The following GNAS-AS1 variants were observed in gnomAD, a reference collection of about 807,000 sequenced individuals.
GNAS-AS1 encodes GNAS antisense RNA 1.
At chr20:58,838,916 CAAAAAAAAAAAAAAA>C in intron 4 of GNAS-AS1, 1 of 249,806 alleles carries the variant, frequency 4.0e-6, no homozygotes, top group East Asian at 4.9e-5. Context: ...GATTCTGTCT[CAAAAAAAAAAAAAAA>C]AAAAAAAAAA....
rs2085694866 is a variant in GNAS-AS1 at position 58,840,943 on chromosome 20, T to G, written n.819+994A>C. The stretch of plus-strand genomic sequence containing the variant: ...GAGGGCGGTGTGGGAGCAGCGCAGG[T>G]GGAAAGGAGGTGAGAAGGAAAGGCA... On this transcript the variant is annotated intron_variant and non_coding_transcript_variant, in intron 4 of 4. Coordinates refer to ENST00000424094, the Ensembl canonical transcript of GNAS-AS1. The surrounding 1 kb of genome is among the most constrained non-coding windows in gnomAD (Gnocchi z 6.0). The G allele has an allele frequency of 6.4e-7, 1 of 1,571,924 alleles. No individual in the cohort carries two copies. The highest frequency in any genetic ancestry group is 1.4e-5 in the African/African-American group (1 of 73,644).
At chr20:58,836,862 A>G (rs2085607045) in intron 4 of GNAS-AS1, among the ~76,000 whole-genome samples, 1 of 152,242 alleles carries the variant, frequency 6.6e-6, no homozygotes, top group Non-Finnish European at 1.5e-5. Context: ...TCAAAAATGC[A>G]GTCTTTTGTT....
At chr20:58,832,286 A>G (rs1273614370) in intron 4 of GNAS-AS1, among the ~76,000 whole-genome samples, 1 of 152,240 alleles carries the variant, frequency 6.6e-6, no homozygotes, top group Non-Finnish European at 1.5e-5. Flanking sequence ...TACATGAAGA[A>G]AACACAAATC....
intron 4 of GNAS-AS1, among the ~76,000 whole-genome samples, chr20:58,829,849 C>A (rs144696044): frequency 8.5e-5 from 13 of 152,224 alleles, no homozygotes; most frequent in African/African-American, 2.9e-4. Context: ...CCTTCCTTAG[C>A]GCGATGACTC....
intron 4 of GNAS-AS1, among the ~76,000 whole-genome samples, chr20:58,823,266 C>T (rs2145450526): frequency 6.6e-6 from 1 of 152,334 alleles, no homozygotes; most frequent in African/African-American, 2.4e-5. Context: ...TCATTCGGCC[C>T]CCATGCCTGT....
chr20:58,830,398 C>G (rs1290689702), intron 4 of GNAS-AS1, among the ~76,000 whole-genome samples: 4 of 137,888 alleles, frequency 2.9e-5, no homozygotes, highest in African/African-American at 1.1e-4. Context: ...CCACCACCAT[C>G]ACTGCCACAC....
At position 58,840,871 on chromosome 20, in the gene GNAS-AS1, G is replaced by A; in HGVS notation, n.819+1066C>T. 1 of 1,612,798 alleles carries A rather than the reference G, an allele frequency of 6.2e-7. No homozygotes were observed. On this transcript the variant is annotated intron_variant and non_coding_transcript_variant, in intron 4 of 4. Transcript: ENST00000424094. The surrounding 1 kb of genome is among the most constrained non-coding windows in gnomAD (Gnocchi z 6.0). ...GGAGGACGCCGTCCAGATTCTCCTT[G>A]TTTTCATGGATTCAGGTTAGTTGCC...
chr20:58,842,668 G>GA, intron 2 of GNAS-AS1: 3 of 396,316 alleles, frequency 7.6e-6, no homozygotes, highest in Non-Finnish European at 1.3e-5. Context: ...CCCCTAAGTC[G>GA]AAATTCCTGC....
intron 2 of GNAS-AS1, among the ~76,000 whole-genome samples, chr20:58,845,515 T>C (rs2085911180): frequency 6.6e-6 from 1 of 152,170 alleles, no homozygotes; most frequent in Non-Finnish European, 1.5e-5. Context: ...CATACATGCA[T>C]GGGATAAACA....
rs530438616 is a variant in GNAS-AS1 at position 58,850,703 on chromosome 20, C to T, written n.201G>A. The T allele has an allele frequency of 6.6e-4, 265 of 398,790 alleles. 1 individual carries two copies. Among genetic ancestry groups the T allele is most frequent in the Non-Finnish European group, 1.0e-3 (233 of 226,284 alleles). 24.7% of individuals were successfully genotyped at this position (398,790 alleles called of 1,614,324 possible). On this transcript the variant is annotated non_coding_transcript_exon_variant, in exon 1 of 5. Transcript: ENST00000424094. ...CACCCCGTTGGCTGGGTTAGCCTGC[C>T]GCCATCAACACACCCAAGGGTTGGC...
In GNAS-AS1 at chr20:58,841,288, T is replaced by G. The variant is rs1002862251; in HGVS notation, n.819+649A>C. On this transcript the variant is annotated intron_variant and non_coding_transcript_variant, in intron 4 of 4. Coordinates refer to ENST00000424094, the Ensembl canonical transcript of GNAS-AS1. This position sits in a 1 kb window ranked among gnomAD's most constrained non-coding sequence, Gnocchi z 5.0. ...ACTAGTCTCAAATAAGTTGGCCTTCTCAGGTGTCCAAAATGTGGTTCGGAG... is the reference window on the plus strand; with the variant it reads ...ACTAGTCTCAAATAAGTTGGCCTTCGCAGGTGTCCAAAATGTGGTTCGGAG... 2 of 1,070,300 alleles carry G rather than the reference T, an allele frequency of 1.9e-6. No individual in the cohort carries two copies. The highest frequency in any genetic ancestry group is 1.7e-5 in the African/African-American group (1 of 59,732). 66.3% of individuals were successfully genotyped at this position (1,070,300 alleles called of 1,614,324 possible).
chr20:58,832,020 C>T (rs1326851788), intron 4 of GNAS-AS1, among the ~76,000 whole-genome samples: 1 of 152,178 alleles, frequency 6.6e-6, no homozygotes, highest in Non-Finnish European at 1.5e-5. Flanking sequence ...GTCTCTTCTA[C>T]CAAATCCTCC....
chr20:58,848,296 C>T (rs2086015517), intron 2 of GNAS-AS1, among the ~76,000 whole-genome samples: 1 of 152,232 alleles, frequency 6.6e-6, no homozygotes, highest in South Asian at 2.1e-4. Context: ...TGCAGCCCTA[C>T]ACTCCAGCAC....
In GNAS-AS1 at chr20:58,841,219, T is replaced by A; in HGVS notation, n.819+718A>T. The stretch of plus-strand genomic sequence containing the variant: ...TTTGGAGCTGCACACCCAAACGGCA[T>A]TGGTAAGTCACTTGTTTTGCGCGCT... On this transcript the variant is annotated intron_variant and non_coding_transcript_variant, in intron 4 of 4. Coordinates refer to ENST00000424094, the Ensembl canonical transcript of GNAS-AS1. This position sits in a 1 kb window ranked among gnomAD's most constrained non-coding sequence, Gnocchi z 5.0. 1.4e-6 allele frequency: 1 copy of A among 700,490 alleles called. No individual in the cohort carries two copies. The highest frequency in any genetic ancestry group is 1.9e-6 in the Non-Finnish European group (1 of 517,486). 43.4% of individuals were successfully genotyped at this position (700,490 alleles called of 1,614,324 possible).
intron 4 of GNAS-AS1, among the ~76,000 whole-genome samples, chr20:58,822,802 G>A (rs1442169661): frequency 1.3e-5 from 2 of 152,040 alleles, no homozygotes; most frequent in Non-Finnish European, 2.9e-5. Flanking sequence ...GCCCCGGAGT[G>A]GAAAGCAGGG....
At chr20:58,849,362 T>C (rs927638806) in intron 1 of GNAS-AS1, among the ~76,000 whole-genome samples, 3 of 152,170 alleles carry the variant, frequency 2.0e-5, no homozygotes, top group African/African-American at 7.2e-5. Context: ...CTGGACTGTC[T>C]CCCTTTTTCC....
chr20:58,828,391 G>A (rs918865236), intron 4 of GNAS-AS1, among the ~76,000 whole-genome samples: 1 of 152,226 alleles, frequency 6.6e-6, no homozygotes, highest in African/African-American at 2.4e-5. Flanking sequence ...GCTGACATCT[G>A]AGCCCTTGGC....
intron 4 of GNAS-AS1, among the ~76,000 whole-genome samples, chr20:58,826,451 C>G (rs941390328): frequency 6.6e-6 from 1 of 152,080 alleles, no homozygotes; most frequent in Non-Finnish European, 1.5e-5. Flanking sequence ...TCTATGCCTA[C>G]GACGAGTGGG....
intron 4 of GNAS-AS1, among the ~76,000 whole-genome samples, chr20:58,826,373 T>C (rs2085520369): frequency 6.6e-6 from 1 of 152,170 alleles, no homozygotes; most frequent in South Asian, 2.1e-4. Context: ...CTGCCTTTCA[T>C]GCATAAAAAT....
Sources: allele counts gnomAD v4.1 joint callset (sites outside exome capture counted in the v4.1 genomes callset), GRCh38; gene constraint gnomAD v4.1.1; non-coding constraint Gnocchi (gnomAD v3.1); transcripts MANE v1.5; gene names NCBI Gene and HGNC (gene_info 2026-07-23, HGNC 2026-07-21).